The following ANGPT2 variants were observed in gnomAD, a reference collection of about 807,000 sequenced individuals.
The protein encoded by ANGPT2 is angiopoietin 2.
ANGPT2 carries 28 observed loss-of-function variants against 62.9 expected under a neutral mutation model. The ratio of observed to expected loss-of-function variants is 0.44; its 90% CI spans 0.33 to 0.61. ANGPT2 has a LOEUF of 0.61. Ranked by LOEUF, ANGPT2 falls within the 20% of genes least tolerant of loss-of-function variation. The pLI is 0.03. For missense variants in ANGPT2, 727 were observed against 594.9 expected (o/e 1.22, Z -2.31); for synonymous variants, 284 against 207.8 (o/e 1.37, Z -3.15).
chr8:6,508,429 G>C (rs1814231197), intron 8 of ANGPT2: 1 of 164,378 alleles, frequency 6.1e-6, no homozygotes, highest in Admixed American at 6.4e-5. Context: ...AACAAAGTAA[G>C]ACTCTGTCTC....
intron 3 of ANGPT2, among the ~76,000 whole-genome samples, chr8:6,523,059 G>A (rs1486371202): frequency 6.6e-6 from 1 of 151,822 alleles, no homozygotes; most frequent in Non-Finnish European, 1.5e-5. Context: ...GTGCAAGGGT[G>A]CCATCTTGGC....
At chr8:6,529,478 G>T in intron 2 of ANGPT2, among the ~76,000 whole-genome samples, 1 of 147,108 alleles carries the variant, frequency 6.8e-6, no homozygotes. Flanking sequence ...TTGAGACAGA[G>T]TCTCACTCTG....
intron 6 of ANGPT2, among the ~76,000 whole-genome samples, chr8:6,514,208 A>T (rs1220199445): frequency 6.6e-6 from 1 of 152,104 alleles, no homozygotes; most frequent in East Asian, 1.9e-4. Flanking sequence ...AGCCTTGTTT[A>T]TTTGAGAGTC....
intron 2 of ANGPT2, among the ~76,000 whole-genome samples, chr8:6,530,508 C>CAAAAAAAAAA (rs55729820): frequency 1.0e-5 from 1 of 98,050 alleles, no homozygotes; most frequent in Non-Finnish European, 2.0e-5. Context: ...GACTCTGTCT[C>CAAAAAAAAAA]AAAAAAAAAA....
At chr8:6,522,769 G>A (rs548634654) in intron 3 of ANGPT2, among the ~76,000 whole-genome samples, 2 of 142,854 alleles carry the variant, frequency 1.4e-5, no homozygotes, top group African/African-American at 2.8e-5. Flanking sequence ...GCGAGACATC[G>A]TCTCAAAAAA....
At chr8:6,549,855 T>A (rs1823304340) in intron 1 of ANGPT2, among the ~76,000 whole-genome samples, 1 of 152,200 alleles carries the variant, frequency 6.6e-6, no homozygotes, top group South Asian at 2.1e-4. Context: ...TTTGTGAATT[T>A]TATTCTGTGT....
rs149555402 is a variant in ANGPT2 at position 6,519,867 on chromosome 8, G to A, written c.924C>T (p.Ile308=). Residue 308 remains isoleucine (I), a synonymous_variant, in exon 5 of 9, where the codon ATC becomes ATT. Coordinates refer to ENST00000629816, the MANE Select transcript of ANGPT2 (RefSeq NM_001118887.2). ...TLTFPNSTEE[I]KAYCDMEAGG... Reference sequence around the variant, plus strand: ...TAAGGGGAGACGAATACCTCACCTTGATCTCTTCTGTAGAATTAGGGAATG... The same window carrying A: ...TAAGGGGAGACGAATACCTCACCTTAATCTCTTCTGTAGAATTAGGGAATG... The A allele has an allele frequency of 1.5e-5, 25 of 1,613,834 alleles. No homozygotes were observed. The African/African-American group carries it at 2.9e-4, about 19-fold the overall frequency.
chr8:6,534,451 G>C (rs966779482), intron 1 of ANGPT2, among the ~76,000 whole-genome samples: 1 of 152,140 alleles, frequency 6.6e-6, no homozygotes, highest in Admixed American at 6.5e-5. Context: ...TCAAGGGACA[G>C]TTGTACTAGA....
intron 1 of ANGPT2, among the ~76,000 whole-genome samples, chr8:6,541,995 G>C (rs887967028): frequency 7.0e-6 from 1 of 143,640 alleles, no homozygotes; most frequent in Non-Finnish European, 1.5e-5. Flanking sequence ...GTGACAGAAT[G>C]AGACTCAATC....
At chr8:6,504,193 C>G (rs1443066196) in intron 8 of ANGPT2, among the ~76,000 whole-genome samples, 1 of 151,514 alleles carries the variant, frequency 6.6e-6, no homozygotes, top group Non-Finnish European at 1.5e-5. Flanking sequence ...TGGCGGACGC[C>G]TGTAGTCCCA....
intron 5 of ANGPT2, among the ~76,000 whole-genome samples, chr8:6,516,507 A>G (rs1246513406): frequency 3.3e-5 from 5 of 152,226 alleles, no homozygotes; most frequent in South Asian, 2.1e-4. Context: ...AAATAGGCCA[A>G]AAGTCCCTCA....
intron 1 of ANGPT2, among the ~76,000 whole-genome samples, chr8:6,543,408 G>C (rs1376105122): frequency 2.6e-5 from 4 of 152,122 alleles, no homozygotes; most frequent in East Asian, 1.9e-4. Context: ...TCCTGGGTTA[G>C]AGTAAATGGA....
intron 3 of ANGPT2, among the ~76,000 whole-genome samples, chr8:6,525,174 T>C (rs941997367): frequency 1.3e-5 from 2 of 152,190 alleles, no homozygotes; most frequent in Non-Finnish European, 2.9e-5. Context: ...ATCTCGCCCA[T>C]AAGCAATAAC....
intron 1 of ANGPT2, among the ~76,000 whole-genome samples, chr8:6,562,300 G>C (rs905948479): frequency 6.6e-6 from 1 of 152,044 alleles, no homozygotes; most frequent in Non-Finnish European, 1.5e-5. Flanking sequence ...CCTGGTGATG[G>C]GTGTTACTGA....
chr8:6,550,787 A>AT (rs747905425), intron 1 of ANGPT2, among the ~76,000 whole-genome samples: 60 of 152,180 alleles, frequency 3.9e-4, no homozygotes, highest in Non-Finnish European at 7.2e-4. Context: ...TCTTACCCAT[A>AT]TAGGACAAGC....
At chr8:6,556,052 C>T (rs753407392) in intron 1 of ANGPT2, among the ~76,000 whole-genome samples, 1 of 152,148 alleles carries the variant, frequency 6.6e-6, no homozygotes, top group African/African-American at 2.4e-5. Context: ...TAGGAGTGCC[C>T]TGCACTCGTC....
chr8:6,561,710 T>C (rs1043883001), intron 1 of ANGPT2, among the ~76,000 whole-genome samples: 1 of 152,248 alleles, frequency 6.6e-6, no homozygotes, highest in Non-Finnish European at 1.5e-5. Context: ...CTTTAGAATA[T>C]ATATAGTCCA....
At chr8:6,522,140 G>C (rs1004494111) in intron 3 of ANGPT2, among the ~76,000 whole-genome samples, 52 of 152,240 alleles carry the variant, frequency 3.4e-4, no homozygotes, top group Non-Finnish European at 5.9e-4. Flanking sequence ...CGGATCACGA[G>C]GTCGGGAGAT....
intron 1 of ANGPT2, among the ~76,000 whole-genome samples, chr8:6,545,150 A>G (rs117966938): frequency 0.02 from 2,988 of 152,176 alleles, 47 homozygotes; most frequent in South Asian, 0.061. Context: ...TAAAGGTGAT[A>G]GAAGTCAGAA....
Sources: allele counts gnomAD v4.1 joint callset (sites outside exome capture counted in the v4.1 genomes callset), GRCh38; gene constraint gnomAD v4.1.1; transcripts MANE v1.5; gene names NCBI Gene and HGNC (gene_info 2026-07-23, HGNC 2026-07-21).